Variants in PKHD1L1 observed in about 807,000 individuals in gnomAD.
PKHD1L1 encodes the protein fibrocystin-L.
A neutral mutation model predicts 462.9 loss-of-function variants in PKHD1L1; 434 were observed. The ratio of observed to expected loss-of-function variants is 0.94; its 90% CI spans 0.87 to 1.02. The LOEUF (loss-of-function observed/expected upper bound fraction) is 1.02. Among genes scored for constraint, PKHD1L1 ranks in the 50% least tolerant of loss-of-function variants. PKHD1L1 has a pLI of 0.00. For synonymous variants in PKHD1L1, 1,781 were observed against 1,750.0 expected, an observed-to-expected ratio of 1.02 and a Z score of -0.44; for missense variants, 5,202 against 5,096.1, an observed-to-expected ratio of 1.02 and a Z score of -0.63.
chr8:109,438,654 G>A (rs1288280862), intron 31 of PKHD1L1, among the ~76,000 whole-genome samples, 198 bp downstream of exon 31: 2 of 151,776 alleles, frequency 1.3e-5, no homozygotes, highest in African/African-American at 4.8e-5. Context: ...GAGAAAAATA[G>A]TAAGTTTTTT....
At chr8:109,381,248 G>T (rs909940684) in intron 2 of PKHD1L1, 122 bp from the exon 3 acceptor site, 2 of 841,042 alleles carry the variant, frequency 2.4e-6, no homozygotes, top group Admixed American at 2.9e-5. Flanking sequence ...ATATGAAATA[G>T]GTTCACTGCT....
At chr8:109,468,796 G>T (rs972119715) in intron 50 of PKHD1L1, among the ~76,000 whole-genome samples, 4 of 152,130 alleles carry the variant, frequency 2.6e-5, no homozygotes, top group Admixed American at 2.0e-4. Context: ...GGAAGGTCTG[G>T]TTATTTTTCT....
Position 109,476,632 on chromosome 8 carries a change from A to G in PKHD1L1, c.8882A>G (p.His2961Arg). 1 of 1,600,528 alleles carries G rather than the reference A, an allele frequency of 6.2e-7. No homozygotes were observed. Among genetic ancestry groups the G allele is most frequent in the Admixed American group, 1.7e-5 (1 of 58,470 alleles). The stretch of plus-strand genomic sequence containing the variant: ...AATACTAGCAAGAATGGGGACTGGC[A>G]CCTTGAAGCAAACACTAGTACTCTA... ...NWNTSKNGDWHLEANTSTLYY... is the reference protein window; with the variant it reads ...NWNTSKNGDWRLEANTSTLYY... Residue 2961 changes from histidine to arginine, a missense_variant, in exon 52 of 78, where the codon CAC (histidine) becomes CGC (arginine). This residue lies in a region of PKHD1L1 where 4,497 missense variants were observed against 4,336.8 expected (regional missense o/e 1.04). Transcript: ENST00000378402.
At chr8:109,465,888 A>G (rs1817415577) in intron 49 of PKHD1L1, among the ~76,000 whole-genome samples, 1 of 152,166 alleles carries the variant, frequency 6.6e-6, no homozygotes, top group Admixed American at 6.5e-5. Flanking sequence ...AATATTTCAT[A>G]AACATTCATG....
chr8:109,526,779 TCCAG>T lies in PKHD1L1; in HGVS notation c.12485-4_12485-1del. ...ATCAAACACTATGATGCTTTTTTTT[TCCAG>T]GAAAAAATTATAAGATTGAATTTAT... On this transcript the variant is annotated splice_acceptor_variant and splice_polypyrimidine_tract_variant and intron_variant, in intron 76 of 77. Coordinates refer to ENST00000378402, the MANE Select transcript of PKHD1L1 (RefSeq NM_177531.6). LOFTEE classifies it high-confidence loss of function. The T allele has an allele frequency of 1.9e-6, 3 of 1,544,910 alleles. No homozygotes were observed. The highest frequency in any genetic ancestry group is 2.0e-5 in the Admixed American group (1 of 50,362).
intron 50 of PKHD1L1, chr8:109,471,058 G>C: frequency 6.3e-7 from 1 of 1,587,182 alleles, no homozygotes. Flanking sequence ...CTTCTGCGAT[G>C]AAATCTTCTC....
intron 41 of PKHD1L1, 110 bp from the exon 42 acceptor site, chr8:109,452,014 G>A (rs1816547524): frequency 2.1e-6 from 2 of 948,270 alleles, no homozygotes; most frequent in Admixed American, 6.9e-5. Context: ...GTGGCTGATA[G>A]AATCAGGTCA....
chr8:109,400,253 T>A lies in PKHD1L1; in HGVS notation c.1190T>A (p.Val397Glu). The change falls in exon 13 of 78, where the codon GTG (valine) becomes GAG (glutamate). Residue 397 changes from valine (V) to glutamate (E), a missense_variant. Val to Glu is a moderately radical substitution (Grantham distance 121, BLOSUM62 -2). Coordinates refer to ENST00000378402, the MANE Select transcript of PKHD1L1 (RefSeq NM_177531.6). ...GTTGCACGCTTTAGTGGATTTTTGGTGGCTCCAGATTCTGATGTTTATAGA... is the reference window on the plus strand; with the variant it reads ...GTTGCACGCTTTAGTGGATTTTTGGAGGCTCCAGATTCTGATGTTTATAGA... ...TFVARFSGFLVAPDSDVYRFY... is the reference protein window; with the variant it reads ...TFVARFSGFLEAPDSDVYRFY... 1 of 1,613,754 alleles carries A rather than the reference T, an allele frequency of 6.2e-7. No homozygotes were observed. The highest frequency in any genetic ancestry group is 1.1e-5 in the South Asian group (1 of 91,082).
chr8:109,371,674 T>C (rs1212477258), intron 2 of PKHD1L1, among the ~76,000 whole-genome samples: 1 of 102,026 alleles, frequency 9.8e-6, no homozygotes, highest in Non-Finnish European at 2.1e-5. Flanking sequence ...CTTGAATTAA[T>C]TTTTGATAAG....
At chr8:109,473,269 TG>T (rs755632431) in intron 50 of PKHD1L1, among the ~76,000 whole-genome samples, 3 of 152,054 alleles carry the variant, frequency 2.0e-5, no homozygotes, top group Non-Finnish European at 4.4e-5. Flanking sequence ...CCTAGCCCTT[TG>T]GGGGGCAAAG....
chr8:109,506,769 CTA>C (rs1786408317), intron 68 of PKHD1L1, among the ~76,000 whole-genome samples: 1 of 152,110 alleles, frequency 6.6e-6, no homozygotes, highest in Non-Finnish European at 1.5e-5. Context: ...AAAGGGAGAG[CTA>C]TTCTAGATAC....
intron 71 of PKHD1L1, among the ~76,000 whole-genome samples, chr8:109,512,120 G>A (rs1275880054): frequency 3.9e-5 from 6 of 151,904 alleles, no homozygotes; most frequent in African/African-American, 7.3e-5. Flanking sequence ...AGTAGGTCGC[G>A]AAAATTTTCT....
chr8:109,462,391 A>G (rs1817187153), intron 48 of PKHD1L1, among the ~76,000 whole-genome samples: 1 of 152,140 alleles, frequency 6.6e-6, no homozygotes, highest in Non-Finnish European at 1.5e-5. Flanking sequence ...TCCATCCCAT[A>G]GGAATCATGT....
chr8:109,457,878 G>T (rs906354884), intron 46 of PKHD1L1, among the ~76,000 whole-genome samples: 1 of 151,984 alleles, frequency 6.6e-6, no homozygotes, highest in South Asian at 2.1e-4. Flanking sequence ...CTAATCTAAG[G>T]CCTTTTTGCA....
intron 20 of PKHD1L1, among the ~76,000 whole-genome samples, chr8:109,413,196 T>C (rs1813950289): frequency 1.3e-5 from 2 of 152,132 alleles, no homozygotes; most frequent in African/African-American, 4.8e-5. Context: ...AAATAGAGAA[T>C]TATAATTAAT....
chr8:109,440,664 A>G (rs755206228), intron 32 of PKHD1L1, 46 bp from the exon 33 acceptor site: 1 of 1,557,308 alleles, frequency 6.4e-7, no homozygotes, highest in Non-Finnish European at 8.8e-7. Context: ...TAGCAAGATA[A>G]ATCAGTAGGA....
rs754202519 is a variant in PKHD1L1 at position 109,533,447 on chromosome 8, ATG to A, written c.*3359_*3360del. On this transcript the variant is annotated 3_prime_UTR_variant, in exon 78 of 78. Coordinates refer to ENST00000378402, the MANE Select transcript of PKHD1L1 (RefSeq NM_177531.6). ...TTATTACACTGGAACAGTGCCTGGC[ATG>A]TAATAAGCACCATGTGAGTGCTAAT... is the stretch of plus-strand genomic sequence containing the variant. Among the ~76,000 whole-genome samples the A allele has an allele frequency of 2.0e-5, 3 of 152,250 alleles. No homozygotes were observed. The highest frequency in any genetic ancestry group is 4.4e-5 in the Non-Finnish European group (3 of 68,036).
At chr8:109,525,348 A>G (rs1411331584) in intron 76 of PKHD1L1, among the ~76,000 whole-genome samples, 3 of 152,330 alleles carry the variant, frequency 2.0e-5, no homozygotes, top group East Asian at 1.9e-4. Flanking sequence ...ACACTGGGAC[A>G]TATTTGTTTA....
chr8:109,377,504 A>G (rs768166606), intron 2 of PKHD1L1, among the ~76,000 whole-genome samples: 8 of 152,200 alleles, frequency 5.3e-5, no homozygotes, highest in Non-Finnish European at 1.2e-4. Flanking sequence ...AGTTTCAAAT[A>G]TAATACTACC....
Sources: allele counts gnomAD v4.1 joint callset (sites outside exome capture counted in the v4.1 genomes callset), GRCh38; gene constraint gnomAD v4.1.1; regional missense constraint gnomAD v4.1.1; transcripts MANE v1.5; gene names NCBI Gene and HGNC (gene_info 2026-07-23, HGNC 2026-07-21).